Variants in MACROD2 observed in about 807,000 individuals in gnomAD.
MACROD2 encodes the protein mono-ADP ribosylhydrolase 2.
A neutral mutation model predicts 70.4 loss-of-function variants in MACROD2; 36 were observed. The observed-to-expected ratio is 0.51, with a 90% CI of 0.39 to 0.68. The LOEUF (loss-of-function observed/expected upper bound fraction) is 0.68, where lower values mean the gene tolerates loss of function less well. MACROD2 is among the 30% of genes least tolerant of loss of function. MACROD2 has a pLI of 0.00. For missense variants in MACROD2, 496 were observed against 538.4 expected, an observed-to-expected ratio of 0.92 and a Z score of 0.78; for synonymous variants, 172 against 178.8, an observed-to-expected ratio of 0.96 and a Z score of 0.30.
At chr20:14,099,861 C>A (rs2054275504) in intron 3 of MACROD2, among the ~76,000 whole-genome samples, 1 of 152,026 alleles carries the variant, frequency 6.6e-6, no homozygotes, top group East Asian at 1.9e-4. Context: ...ATTAGGTCAA[C>A]TGGTAATATT....
chr20:15,987,422 C>T (rs943537255), intron 15 of MACROD2, among the ~76,000 whole-genome samples: 1 of 152,032 alleles, frequency 6.6e-6, no homozygotes, highest in African/African-American at 2.4e-5. Flanking sequence ...TTTAAAATTA[C>T]AGTATTGAGA....
chr20:15,505,590 G>C (rs537879715), intron 8 of MACROD2, among the ~76,000 whole-genome samples: 1 of 152,070 alleles, frequency 6.6e-6, no homozygotes, highest in Admixed American at 6.6e-5. Flanking sequence ...ACTCCTTCCC[G>C]CTGCACTACT....
chr20:15,806,830 G>A (rs372154683), intron 8 of MACROD2, among the ~76,000 whole-genome samples: 60 of 151,946 alleles, frequency 3.9e-4, no homozygotes, highest in Non-Finnish European at 6.2e-4. Context: ...ACCTTAATTC[G>A]GCCATGTGGA....
chr20:14,485,015 A>G lies in MACROD2; in HGVS notation c.272-8464A>G, dbSNP rs534557228. ...GAGTGGGGTTGCTGGATCATATGGTAGCTCTGTTTTTGTTTTTTTTTGTGA... is the reference window on the plus strand; with the variant it reads ...GAGTGGGGTTGCTGGATCATATGGTGGCTCTGTTTTTGTTTTTTTTTGTGA... On this transcript the variant is annotated intron_variant, in intron 3 of 17. Coordinates refer to ENST00000684519, the MANE Select transcript of MACROD2 (RefSeq NM_001351661.2). Among the ~76,000 whole-genome samples, 3 of 148,466 alleles carry G rather than the reference A, an allele frequency of 2.0e-5. No individual in the cohort carries two copies. In the South Asian group the frequency reaches 6.3e-4, roughly 31 times the overall value.
intron 6 of MACROD2, among the ~76,000 whole-genome samples, chr20:15,353,482 CA>C (rs1225021105): frequency 6.6e-6 from 1 of 151,980 alleles, no homozygotes; most frequent in East Asian, 1.9e-4. Context: ...GCAATGGCAA[CA>C]AAAGCCAAAA....
chr20:15,373,019 C>T (rs2045513778), intron 6 of MACROD2, among the ~76,000 whole-genome samples: 1 of 152,074 alleles, frequency 6.6e-6, no homozygotes, highest in African/African-American at 2.4e-5. Context: ...GTGATCACAC[C>T]ACTGCACTCC....
intron 5 of MACROD2, among the ~76,000 whole-genome samples, chr20:14,706,237 G>A (rs1004104365): frequency 1.3e-5 from 2 of 151,644 alleles, no homozygotes; most frequent in Non-Finnish European, 2.9e-5. Flanking sequence ...TCACCTGAAC[G>A]CAGGAGGTGG....
At chr20:15,130,836 G>T (rs1158445927) in intron 5 of MACROD2, among the ~76,000 whole-genome samples, 1 of 152,020 alleles carries the variant, frequency 6.6e-6, no homozygotes, top group Middle Eastern at 3.2e-3. Context: ...AATCTCCTGA[G>T]GTACTCCTGA....
chr20:14,859,070 T>C (rs1351993304), intron 5 of MACROD2, among the ~76,000 whole-genome samples: 1 of 151,966 alleles, frequency 6.6e-6, no homozygotes, highest in Non-Finnish European at 1.5e-5. Context: ...CTCTGGGGAC[T>C]CAAGGGGAAG....
chr20:15,920,606 G>A (rs907009814), intron 10 of MACROD2, among the ~76,000 whole-genome samples: 1 of 151,994 alleles, frequency 6.6e-6, no homozygotes, highest in African/African-American at 2.4e-5. Context: ...TGTCCCCCTT[G>A]TTCCCAGACT....
At position 14,518,343 on chromosome 20, in the gene MACROD2, T is replaced by C. The variant is rs73096678; in HGVS notation, c.301+24835T>C. On this transcript the variant is annotated intron_variant, in intron 4 of 17. Transcript: ENST00000684519. ...TAAATTGGAAACAAAGACTGTCTTT[T>C]CTTCACAATATTTTTACAAATTATG... Among the ~76,000 whole-genome samples, 383 of 152,260 alleles carry C rather than the reference T, an allele frequency of 2.5e-3. 4 individuals are homozygous for C. The highest frequency in any genetic ancestry group is 3.5e-3 in the Non-Finnish European group (235 of 67,990).
At chr20:15,162,557 C>T (rs933798666) in intron 5 of MACROD2, among the ~76,000 whole-genome samples, 8 of 152,044 alleles carry the variant, frequency 5.3e-5, no homozygotes, top group Admixed American at 3.9e-4. Flanking sequence ...TTGTAACTAT[C>T]GACATTGCTT....
At chr20:14,691,085 T>A (rs2071058001) in intron 5 of MACROD2, among the ~76,000 whole-genome samples, 1 of 152,130 alleles carries the variant, frequency 6.6e-6, no homozygotes, top group Admixed American at 6.5e-5. Flanking sequence ...ACCCAGCTAA[T>A]TTTTGTATGT....
At chr20:15,973,802 A>G (rs1055150254) in intron 13 of MACROD2, among the ~76,000 whole-genome samples, 1 of 152,234 alleles carries the variant, frequency 6.6e-6, no homozygotes, top group Non-Finnish European at 1.5e-5. Context: ...GAACCAATCT[A>G]TTCGGTTAGA....
At chr20:14,240,597 C>T (rs2081920332) in intron 3 of MACROD2, among the ~76,000 whole-genome samples, 1 of 152,054 alleles carries the variant, frequency 6.6e-6, no homozygotes, top group Non-Finnish European at 1.5e-5. Context: ...GAACAGAAGA[C>T]CAAATACTGC....
chr20:15,377,058 T>C (rs2045572846), intron 6 of MACROD2, among the ~76,000 whole-genome samples: 1 of 151,890 alleles, frequency 6.6e-6, no homozygotes, highest in South Asian at 2.1e-4. Flanking sequence ...GCCTGGCTAA[T>C]TTTTTGTATT....
chr20:15,329,788 C>T (rs2077972688), intron 6 of MACROD2, among the ~76,000 whole-genome samples: 1 of 152,012 alleles, frequency 6.6e-6, no homozygotes, highest in Non-Finnish European at 1.5e-5. Flanking sequence ...CTATCCCCGA[C>T]CTACTGAAAC....
intron 6 of MACROD2, among the ~76,000 whole-genome samples, chr20:15,344,444 A>G (rs1355264737): frequency 1.3e-5 from 2 of 152,218 alleles, no homozygotes; most frequent in African/African-American, 4.8e-5. Flanking sequence ...GGACAAACAA[A>G]CACTATGATT....
At chr20:14,206,700 G>A (rs535564075) in intron 3 of MACROD2, among the ~76,000 whole-genome samples, 30 of 149,516 alleles carry the variant, frequency 2.0e-4, no homozygotes, top group Admixed American at 1.9e-3. Context: ...AGATGTAGTC[G>A]TCATGGTTAT....
Sources: allele counts gnomAD v4.1 joint callset (sites outside exome capture counted in the v4.1 genomes callset), GRCh38; gene constraint gnomAD v4.1.1; transcripts MANE v1.5; gene names NCBI Gene and HGNC (gene_info 2026-07-23, HGNC 2026-07-21).